BMERB1: variants seen among roughly 807,000 people sequenced by gnomAD.
BMERB1 encodes the protein bMERB domain-containing protein 1.
In BMERB1, 12 loss-of-function variants were observed where a neutral mutation model predicts 23.6. That is an observed-to-expected ratio of 0.51 (90% CI 0.33 to 0.82). BMERB1 has a LOEUF of 0.82. BMERB1 is among the 40% of genes least tolerant of loss of function. The probability of loss-of-function intolerance (pLI) is 0.03; values close to 1 mark genes in which losing one functional copy is unlikely to be tolerated. For synonymous variants in BMERB1, 122 were observed against 96.6 expected (o/e 1.26, Z -1.54); for missense variants, 247 against 255.4 (o/e 0.97, Z 0.22).
chr16:15,527,402 C>T (rs991717540), intron 2 of BMERB1, among the ~76,000 whole-genome samples: 1 of 152,092 alleles, frequency 6.6e-6, no homozygotes, highest in South Asian at 2.1e-4. Flanking sequence ...CTCAGGAGTT[C>T]GAGACCACCC....
intron 2 of BMERB1, among the ~76,000 whole-genome samples, chr16:15,546,095 C>T (rs942404437): frequency 1.3e-5 from 2 of 152,128 alleles, no homozygotes; most frequent in African/African-American, 4.8e-5. Flanking sequence ...TGAGACCAGA[C>T]TGGGCAACAT....
intron 1 of BMERB1, among the ~76,000 whole-genome samples, chr16:15,467,452 T>C (rs1431331154): frequency 6.6e-6 from 1 of 152,200 alleles, no homozygotes; most frequent in African/African-American, 2.4e-5. Flanking sequence ...CTGTTGCACA[T>C]CTTTTTATGG....
chr16:15,492,780 A>T (rs1043077180), intron 1 of BMERB1, among the ~76,000 whole-genome samples: 3 of 152,054 alleles, frequency 2.0e-5, no homozygotes, highest in Admixed American at 6.6e-5. Flanking sequence ...CTAGCCAGGC[A>T]TGGTGGCACA....
chr16:15,475,888 C>A (rs1261329571), intron 1 of BMERB1, among the ~76,000 whole-genome samples: 2 of 152,120 alleles, frequency 1.3e-5, no homozygotes, highest in Admixed American at 6.6e-5. Context: ...GCCTTGGTGT[C>A]CAGAGTTTTT....
intron 1 of BMERB1, among the ~76,000 whole-genome samples, chr16:15,492,327 C>G (rs2051428843): frequency 6.6e-6 from 1 of 152,232 alleles, no homozygotes; most frequent in African/African-American, 2.4e-5. Flanking sequence ...CCAGTTCTAG[C>G]TGAGACACAC....
chr16:15,455,943 C>T (rs745938892), intron 1 of BMERB1, among the ~76,000 whole-genome samples: 12 of 152,140 alleles, frequency 7.9e-5, no homozygotes, highest in Non-Finnish European at 1.5e-4. Context: ...CAATTTGTGG[C>T]TTATCAGGTT....
At chr16:15,452,080 G>A (rs1002074014) in intron 1 of BMERB1, among the ~76,000 whole-genome samples, 1 of 151,746 alleles carries the variant, frequency 6.6e-6, no homozygotes, top group African/African-American at 2.4e-5. Flanking sequence ...AAGAGTTTGA[G>A]ACCAGCCTGG....
intron 1 of BMERB1, among the ~76,000 whole-genome samples, chr16:15,494,039 C>G (rs1468218619): frequency 6.6e-6 from 1 of 152,086 alleles, no homozygotes; most frequent in African/African-American, 2.4e-5. Flanking sequence ...ATTAGGGAGT[C>G]GGTTAAGATG....
intron 5 of BMERB1, among the ~76,000 whole-genome samples, chr16:15,585,979 G>A (rs1286112152): frequency 6.6e-6 from 1 of 152,038 alleles, no homozygotes; most frequent in Non-Finnish European, 1.5e-5. Flanking sequence ...TGATCAAAGA[G>A]CTAAGAGAAG....
intron 1 of BMERB1, among the ~76,000 whole-genome samples, chr16:15,496,950 C>G (rs971929949): frequency 6.6e-6 from 1 of 152,194 alleles, no homozygotes. Flanking sequence ...TTTCACCATT[C>G]ACCATTGCTG....
At chr16:15,463,449 G>T (rs1049113998) in intron 1 of BMERB1, among the ~76,000 whole-genome samples, 7 of 152,070 alleles carry the variant, frequency 4.6e-5, no homozygotes, top group Non-Finnish European at 8.8e-5. Flanking sequence ...GTGTGGTCAG[G>T]TTCAGTGTGG....
intron 3 of BMERB1, among the ~76,000 whole-genome samples, chr16:15,569,477 G>A (rs1399654457): frequency 6.6e-6 from 1 of 152,128 alleles, no homozygotes; most frequent in Non-Finnish European, 1.5e-5. Context: ...ACAGTACCAA[G>A]GAGGATGGGG....
At chr16:15,525,158 A>G (rs535752625) in intron 2 of BMERB1, among the ~76,000 whole-genome samples, 1 of 152,296 alleles carries the variant, frequency 6.6e-6, no homozygotes, top group African/African-American at 2.4e-5. Flanking sequence ...GCCCCGTCCA[A>G]TCAGTTGAAG....
At chr16:15,469,987 T>C (rs2051215517) in intron 1 of BMERB1, among the ~76,000 whole-genome samples, 2 of 152,164 alleles carry the variant, frequency 1.3e-5, no homozygotes, top group South Asian at 4.1e-4. Flanking sequence ...TTTTTCTTGT[T>C]TTATTGCACT....
chr16:15,555,885 A>G (rs1225189958), intron 2 of BMERB1, among the ~76,000 whole-genome samples: 2 of 152,154 alleles, frequency 1.3e-5, no homozygotes, highest in Admixed American at 6.6e-5. Context: ...AGGAAATTGT[A>G]ATAGCACATG....
intron 1 of BMERB1, among the ~76,000 whole-genome samples, chr16:15,462,971 G>A (rs771807109): frequency 2.6e-5 from 4 of 152,090 alleles, no homozygotes; most frequent in East Asian, 1.9e-4. Context: ...CCTGTAAACC[G>A]CGGAGAGTTT....
rs981638506 is a variant in BMERB1 at position 15,482,999 on chromosome 16, C to T, written c.107-32306C>T. ...GAAAAAAATCACCCACAATTCTACCCGCCAAAGTCAACCAACATCCTGATG... is the reference window on the plus strand; with the variant it reads ...GAAAAAAATCACCCACAATTCTACCTGCCAAAGTCAACCAACATCCTGATG... On this transcript the variant is annotated intron_variant, in intron 1 of 5. Coordinates refer to ENST00000300006, the MANE Select transcript of BMERB1 (RefSeq NM_033201.3). 5.9e-5 allele frequency among the ~76,000 whole-genome samples: 9 copies of T among 152,296 alleles called. No individual in the cohort carries two copies. In the East Asian group the frequency reaches 1.4e-3, roughly 23 times the overall value.
intron 2 of BMERB1, among the ~76,000 whole-genome samples, chr16:15,560,722 G>A (rs1363219564): frequency 6.6e-6 from 1 of 151,944 alleles, no homozygotes; most frequent in African/African-American, 2.4e-5. Context: ...GAGCCCAGGA[G>A]GCAGAGATTG....
chr16:15,521,985 T>C (rs2051858541), intron 2 of BMERB1, among the ~76,000 whole-genome samples: 2 of 152,152 alleles, frequency 1.3e-5, no homozygotes, highest in African/African-American at 4.8e-5. Flanking sequence ...AATCACATCA[T>C]TAGTTTTTAA....
Sources: allele counts gnomAD v4.1 joint callset (sites outside exome capture counted in the v4.1 genomes callset), GRCh38; gene constraint gnomAD v4.1.1; transcripts MANE v1.5; gene names NCBI Gene and HGNC (gene_info 2026-07-23, HGNC 2026-07-21).